Variants in PRKG2 observed in about 807,000 individuals in gnomAD.
PRKG2 encodes protein kinase cGMP-dependent 2.
In PRKG2, 33 loss-of-function variants were observed where a neutral mutation model predicts 97.2. That is an observed-to-expected ratio of 0.34 (90% CI 0.26 to 0.45). The LOEUF is 0.45. PRKG2 is among the 20% of genes least tolerant of loss of function. The probability of loss-of-function intolerance (pLI) is 1.00; values close to 1 mark genes in which losing one functional copy is unlikely to be tolerated. For missense variants in PRKG2, 638 were observed against 900.0 expected (o/e 0.71, Z 3.73); for synonymous variants, 330 against 321.8 (o/e 1.03, Z -0.27).
rs1300352619 is a variant in PRKG2 at position 81,169,656 on chromosome 4, T to C, written c.848+7A>G. ...GTCTTCACTGTCTCCCAATGTATTATTCTTACCTTCTGAGGAAGTTTCTGT... is the reference window on the plus strand; with the variant it reads ...GTCTTCACTGTCTCCCAATGTATTACTCTTACCTTCTGAGGAAGTTTCTGT... On this transcript the variant is annotated splice_region_variant and intron_variant, in intron 5 of 18. Transcript: ENST00000264399. 2 of 1,566,762 alleles carry C rather than the reference T, an allele frequency of 1.3e-6. No individual in the cohort carries two copies. The highest frequency in any genetic ancestry group is 1.8e-6 in the Non-Finnish European group (2 of 1,140,720).
chr4:81,151,886 A>G lies in PRKG2; in HGVS notation c.1085+74T>C, dbSNP rs1217097323. ...CATTAACTTGGTAGCTCAATTTAAC[A>G]ACTCTAAATGATTTTATATAAAAAA... On this transcript the variant is annotated intron_variant, in intron 8 of 18. Coordinates refer to ENST00000264399, the MANE Select transcript of PRKG2 (RefSeq NM_006259.3). 5.9e-6 allele frequency: 7 copies of G among 1,177,182 alleles called. No individual in the cohort carries two copies. The East Asian group carries it at 1.7e-4, about 28-fold the overall frequency. 72.9% of individuals were successfully genotyped at this position (1,177,182 alleles called of 1,614,324 possible).
chr4:81,208,256 A>G (rs753999628), intron 1 of PRKG2, among the ~76,000 whole-genome samples: 25 of 152,294 alleles, frequency 1.6e-4, no homozygotes, highest in Non-Finnish European at 2.8e-4. Flanking sequence ...AAAGTACCCC[A>G]TATGATGCCT....
intron 17 of PRKG2, among the ~76,000 whole-genome samples, chr4:81,098,794 T>C (rs1021849187): frequency 2.0e-5 from 3 of 152,074 alleles, no homozygotes; most frequent in African/African-American, 7.2e-5. Context: ...AGATCAATGA[T>C]CACAGATCAC....
intron 14 of PRKG2, among the ~76,000 whole-genome samples, chr4:81,133,283 T>C (rs886458388): frequency 6.6e-6 from 1 of 152,254 alleles, no homozygotes; most frequent in Non-Finnish European, 1.5e-5. Flanking sequence ...AATCTGTCAT[T>C]ACAAATTTGA....
At chr4:81,173,944 A>G (rs1750705441) in intron 3 of PRKG2, 1 of 152,062 alleles carries the variant, frequency 6.6e-6, no homozygotes, top group African/African-American at 2.4e-5. Context: ...AGCCAGTTTT[A>G]ACTTTTTTCC....
chr4:81,130,511 G>A (rs559694938), intron 14 of PRKG2, among the ~76,000 whole-genome samples: 1 of 152,262 alleles, frequency 6.6e-6, no homozygotes, highest in Non-Finnish European at 1.5e-5. Context: ...AGCAGAGCTC[G>A]AGCTCTGTTC....
rs149593904 is a variant in PRKG2, at chr4:81,095,146, C to T, written c.2127-2694G>A. Reference sequence around the variant, plus strand: ...CTTGACTGGATTTCCTATTACAAGTCTAAGCTTAGCAATAGAAAAGGAACG... The same window carrying T: ...CTTGACTGGATTTCCTATTACAAGTTTAAGCTTAGCAATAGAAAAGGAACG... On this transcript the variant is annotated intron_variant, in intron 17 of 18. Coordinates refer to ENST00000264399, the MANE Select transcript of PRKG2 (RefSeq NM_006259.3). Among the ~76,000 whole-genome samples the T allele has an allele frequency of 1.4e-3, 209 of 152,272 alleles. 1 individual carries two copies. The highest frequency in any genetic ancestry group is 4.6e-3 in the African/African-American group (190 of 41,566).
chr4:81,148,376 A>G (rs985359645), intron 9 of PRKG2, among the ~76,000 whole-genome samples: 2 of 152,202 alleles, frequency 1.3e-5, no homozygotes, highest in Non-Finnish European at 2.9e-5. Flanking sequence ...CTTATTTTGA[A>G]GAATAACCTA....
intron 10 of PRKG2, 29 bp downstream of exon 10, chr4:81,144,203 C>T (rs761755339): frequency 1.3e-6 from 2 of 1,563,472 alleles, no homozygotes; most frequent in Admixed American, 1.7e-5. Flanking sequence ...GAAGTCAGCT[C>T]CGGCTCAGGA....
intron 2 of PRKG2, among the ~76,000 whole-genome samples, chr4:81,200,396 C>T (rs908473562): frequency 3.9e-5 from 6 of 152,164 alleles, no homozygotes; most frequent in Non-Finnish European, 8.8e-5. Context: ...GGATCCAGAA[C>T]TTAGTAGGCA....
chr4:81,144,078 T>C (rs1357525039), intron 10 of PRKG2, among the ~76,000 whole-genome samples, 154 bp downstream of exon 10: 3 of 152,276 alleles, frequency 2.0e-5, no homozygotes, highest in South Asian at 4.1e-4. Context: ...AGTGGTGTTG[T>C]CTTTGTGGAA....
At chr4:81,126,869 G>A (rs533377739) in intron 14 of PRKG2, among the ~76,000 whole-genome samples, 27 of 151,656 alleles carry the variant, frequency 1.8e-4, no homozygotes, top group African/African-American at 6.1e-4. Context: ...AAGCTCCTTA[G>A]TTAAATTAGA....
At chr4:81,107,173 G>A (rs1318300825) in intron 15 of PRKG2, among the ~76,000 whole-genome samples, 2 of 152,126 alleles carry the variant, frequency 1.3e-5, no homozygotes, top group African/African-American at 4.8e-5. Flanking sequence ...TGTGCAGAGC[G>A]GGTTATGGGG....
chr4:81,122,797 T>C (rs573990356), intron 14 of PRKG2, among the ~76,000 whole-genome samples: 4 of 152,326 alleles, frequency 2.6e-5, no homozygotes, highest in South Asian at 2.1e-4. Flanking sequence ...TTATAAGACA[T>C]TGTGTCCAAA....
intron 15 of PRKG2, among the ~76,000 whole-genome samples, chr4:81,107,221 A>G (rs903991878): frequency 2.6e-5 from 4 of 152,160 alleles, no homozygotes; most frequent in Non-Finnish European, 5.9e-5. Flanking sequence ...ATCCAAATGG[A>G]AATGCTAAGC....
intron 14 of PRKG2, 130 bp from the exon 15 acceptor site, chr4:81,110,741 A>G: frequency 1.3e-6 from 1 of 765,614 alleles, no homozygotes; most frequent in Non-Finnish European, 2.0e-6. Flanking sequence ...ACACACACAC[A>G]CACACACAAA....
chr4:81,138,845 G>A (rs1746973147), intron 12 of PRKG2, among the ~76,000 whole-genome samples: 2 of 152,070 alleles, frequency 1.3e-5, no homozygotes, highest in South Asian at 4.1e-4. Context: ...ATCCATTCTG[G>A]GAACGTAATA....
At chr4:81,106,399 C>A (rs1743344384) in intron 15 of PRKG2, among the ~76,000 whole-genome samples, 1 of 151,982 alleles carries the variant, frequency 6.6e-6, no homozygotes, top group Non-Finnish European at 1.5e-5. Context: ...GTGAAGTGGG[C>A]AGTGTGGCTG....
At chr4:81,109,696 T>C (rs971633195) in intron 15 of PRKG2, among the ~76,000 whole-genome samples, 5 of 152,182 alleles carry the variant, frequency 3.3e-5, no homozygotes, top group African/African-American at 1.2e-4. Context: ...CCACACAAGC[T>C]TGTCAGAACT....
Sources: allele counts gnomAD v4.1 joint callset (sites outside exome capture counted in the v4.1 genomes callset), GRCh38; gene constraint gnomAD v4.1.1; transcripts MANE v1.5; gene names NCBI Gene and HGNC (gene_info 2026-07-23, HGNC 2026-07-21).